HACD2: variants seen among roughly 807,000 people sequenced by gnomAD.
The protein encoded by HACD2 is 3-hydroxyacyl-CoA dehydratase 2, also known as very-long-chain (3R)-3-hydroxyacyl-CoA dehydratase 2.
A neutral mutation model predicts 31.0 loss-of-function variants in HACD2; 15 were observed. The observed-to-expected ratio is 0.48, with a 90% CI of 0.32 to 0.75. HACD2 has a LOEUF of 0.75. Among genes scored for constraint, HACD2 ranks in the 30% least tolerant of loss-of-function variants. The probability of loss-of-function intolerance (pLI) is 0.03; values close to 1 mark genes in which losing one functional copy is unlikely to be tolerated. For missense variants in HACD2, 283 were observed against 313.0 expected, an observed-to-expected ratio of 0.90 and a Z score of 0.72; for synonymous variants, 115 against 122.2, an observed-to-expected ratio of 0.94 and a Z score of 0.39.
intron 4 of HACD2, among the ~76,000 whole-genome samples, chr3:123,512,049 C>T (rs1425605868): frequency 1.3e-5 from 2 of 152,140 alleles, no homozygotes; most frequent in South Asian, 2.1e-4. Flanking sequence ...TGGTGCCATG[C>T]TTTTTATACA....
chr3:123,540,372 C>T (rs780494938), intron 3 of HACD2, among the ~76,000 whole-genome samples: 6 of 152,164 alleles, frequency 3.9e-5, no homozygotes, highest in African/African-American at 2.4e-5. Flanking sequence ...AAAGCTTTCT[C>T]GAACATTCAG....
At chr3:123,561,790 A>C (rs78476787) in intron 3 of HACD2, among the ~76,000 whole-genome samples, 163 of 152,128 alleles carry the variant, frequency 1.1e-3, no homozygotes, top group Middle Eastern at 3.4e-3. Context: ...AAAAAAAAAA[A>C]ACATATCTCA....
chr3:123,493,452 C>CT lies in HACD2; in HGVS notation c.*1435dup, dbSNP rs1376163948. 4 of 152,216 alleles carry CT rather than the reference C, an allele frequency of 2.6e-5. No homozygotes were observed. The highest frequency in any genetic ancestry group is 9.6e-5 in the African/African-American group (4 of 41,460). 9.4% of individuals were successfully genotyped at this position (152,216 alleles called of 1,614,324 possible). A position where few individuals can be genotyped will look rare whatever the true frequency, so the allele number is the denominator to read the frequency against. ...ACTCAATAAGCTAAACTTTTAAACT[C>CT]TTAAAGTTCAACATCAACCCCCACC... On this transcript the variant is annotated 3_prime_UTR_variant, in exon 7 of 7. Coordinates refer to ENST00000383657, the MANE Select transcript of HACD2 (RefSeq NM_198402.5).
chr3:123,499,825 G>T (rs1180654216), intron 6 of HACD2, among the ~76,000 whole-genome samples: 1 of 152,098 alleles, frequency 6.6e-6, no homozygotes, highest in Non-Finnish European at 1.5e-5. Context: ...TCCAGCAAAG[G>T]ACTAAACTCC....
At chr3:123,561,791 A>AAC (rs2056732384) in intron 3 of HACD2, among the ~76,000 whole-genome samples, 1 of 151,442 alleles carries the variant, frequency 6.6e-6, no homozygotes, top group Non-Finnish European at 1.5e-5. Context: ...AAAAAAAAAA[A>AAC]CATATCTCAG....
rs150761623 is a variant in HACD2, at chr3:123,557,310, C to T, written c.292+10452G>A. 1.3e-3 allele frequency among the ~76,000 whole-genome samples: 191 copies of T among 152,322 alleles called. 1 individual carries two copies. Among genetic ancestry groups the T allele is most frequent in the Middle Eastern group, 3.4e-3 (1 of 294 alleles). ...AACAATTTCATCCCAAAACCACCCC[C>T]TCCCCTTATCCCCAGTCCATGGAAA... On this transcript the variant is annotated intron_variant, in intron 3 of 6. Coordinates refer to ENST00000383657, the MANE Select transcript of HACD2 (RefSeq NM_198402.5).
At chr3:123,521,817 A>G (rs2056218238) in intron 4 of HACD2, among the ~76,000 whole-genome samples, 1 of 152,210 alleles carries the variant, frequency 6.6e-6, no homozygotes, top group East Asian at 1.9e-4. Context: ...TACAGTATAA[A>G]GTGGTGGTAA....
intron 3 of HACD2, among the ~76,000 whole-genome samples, chr3:123,564,002 G>T (rs948617385): frequency 1.3e-5 from 2 of 152,242 alleles, no homozygotes; most frequent in Non-Finnish European, 2.9e-5. Context: ...CAACCTGAAA[G>T]ACACCCAGCA....
chr3:123,503,613 C>T (rs2055935035), intron 4 of HACD2, among the ~76,000 whole-genome samples: 2 of 151,936 alleles, frequency 1.3e-5, no homozygotes, highest in Admixed American at 1.3e-4. Context: ...AGCACCTCCC[C>T]CAGTCCCTTC....
chr3:123,574,680 CAT>C (rs144085193), intron 2 of HACD2, among the ~76,000 whole-genome samples: 11,695 of 151,950 alleles, frequency 0.077, 607 homozygotes, highest in Middle Eastern at 0.13. Context: ...TAAAAAATTA[CAT>C]GTTTCATGTG....
At chr3:123,532,931 C>T (rs2056382064) in intron 3 of HACD2, among the ~76,000 whole-genome samples, 1 of 150,818 alleles carries the variant, frequency 6.6e-6, no homozygotes, top group South Asian at 2.1e-4. Flanking sequence ...CACCCTATCA[C>T]TCAAAGCCTC....
chr3:123,557,130 GGTGA>G (rs1238506887), intron 3 of HACD2, among the ~76,000 whole-genome samples: 4 of 152,216 alleles, frequency 2.6e-5, no homozygotes, highest in Non-Finnish European at 4.4e-5. Flanking sequence ...GAGAGCAGCA[GGTGA>G]GTGAGTATCA....
chr3:123,503,587 C>T (rs192621363), intron 4 of HACD2, among the ~76,000 whole-genome samples: 100 of 151,944 alleles, frequency 6.6e-4, no homozygotes, highest in African/African-American at 2.3e-3. Context: ...AATTTACTGC[C>T]GTGGTTTTAA....
At chr3:123,535,149 C>T (rs2056410282) in intron 3 of HACD2, among the ~76,000 whole-genome samples, 1 of 152,196 alleles carries the variant, frequency 6.6e-6, no homozygotes, top group Admixed American at 6.5e-5. Context: ...TCCAGAGCAA[C>T]TTCCAGTCCT....
At chr3:123,540,098 G>T (rs200727046) in intron 3 of HACD2, among the ~76,000 whole-genome samples, 3 of 145,538 alleles carry the variant, frequency 2.1e-5, no homozygotes, top group Non-Finnish European at 4.6e-5. Context: ...AAAAAAAAAA[G>T]AAAAGAAAAG....
At chr3:123,501,140 A>C (rs1439741137) in intron 5 of HACD2, among the ~76,000 whole-genome samples, 1 of 152,088 alleles carries the variant, frequency 6.6e-6, no homozygotes, top group East Asian at 1.9e-4. Context: ...TGAACAACAA[A>C]AAAAATAGCA....
chr3:123,504,456 G>A (rs1331130260), intron 4 of HACD2, among the ~76,000 whole-genome samples: 2 of 151,916 alleles, frequency 1.3e-5, no homozygotes, highest in Admixed American at 1.3e-4. Flanking sequence ...TCCTAAGTGG[G>A]TTACTCCGAG....
rs1042074718 is a variant in HACD2 at position 123,580,582 on chromosome 3, G to A, written c.273+1630C>T. ...GAAGATTGCTTGAGCCAAGGAGTTT[G>A]AGACCAGCCTGGGCAACACAGGGAG... is the stretch of plus-strand genomic sequence containing the variant. On this transcript the variant is annotated intron_variant, in intron 2 of 6. Transcript: ENST00000383657. Among the ~76,000 whole-genome samples, 10 of 152,154 alleles carry A rather than the reference G, an allele frequency of 6.6e-5. No individual in the cohort carries two copies. The Middle Eastern group carries it at 0.01, about 155-fold the overall frequency.
chr3:123,526,662 A>C (rs2056288025), intron 4 of HACD2, among the ~76,000 whole-genome samples: 1 of 152,200 alleles, frequency 6.6e-6, no homozygotes. Flanking sequence ...TAAAGCTCAA[A>C]TGTGATAATG....
Sources: gnomAD v4.1 joint callset for allele counts (sites outside exome capture counted in the v4.1 genomes callset) on GRCh38, gnomAD v4.1.1 for gene constraint, MANE v1.5 for transcripts, NCBI Gene and HGNC (gene_info 2026-07-23, HGNC 2026-07-21) for gene names.